The following NRXN1 variants were observed in gnomAD, a reference collection of about 807,000 sequenced individuals.
NRXN1 encodes neurexin-1.
A neutral mutation model predicts 150.9 loss-of-function variants in NRXN1; 39 were observed. The ratio of observed to expected loss-of-function variants is 0.26; its 90% confidence interval spans 0.20 to 0.34. The LOEUF (loss-of-function observed/expected upper bound fraction) is 0.34. Among genes scored for constraint, NRXN1 ranks in the 10% least tolerant of loss-of-function variants. The pLI, the probability that NRXN1 is intolerant of heterozygous loss-of-function variation, is 1.00. For synonymous variants in NRXN1, 924 were observed against 757.0 expected, an observed-to-expected ratio of 1.22 and a Z score of -3.62; for missense variants, 1,815 against 1,949.9, an observed-to-expected ratio of 0.93 and a Z score of 1.30.
chr2:50,497,897 T>A (rs2091731781), intron 13 of NRXN1, among the ~76,000 whole-genome samples, 183 bp from the exon 14 acceptor site: 1 of 152,124 alleles, frequency 6.6e-6, no homozygotes, highest in African/African-American at 2.4e-5. Context: ...AATAAAACAT[T>A]CTTAGGCCAG....
At chr2:49,941,369 C>T (rs1671943480) in intron 22 of NRXN1, among the ~76,000 whole-genome samples, 1 of 150,974 alleles carries the variant, frequency 6.6e-6, no homozygotes, top group African/African-American at 2.4e-5. Flanking sequence ...GTTACCCCAT[C>T]CGCCTTTTCT....
intron 21 of NRXN1, among the ~76,000 whole-genome samples, chr2:49,957,799 C>G (rs1675240213): frequency 6.6e-6 from 1 of 152,104 alleles, no homozygotes. Flanking sequence ...AATTACTGCA[C>G]TGCACTGTTC....
chr2:50,425,240 A>G (rs144012437), intron 17 of NRXN1, among the ~76,000 whole-genome samples: 1 of 152,366 alleles, frequency 6.6e-6, no homozygotes, highest in East Asian at 1.9e-4. Context: ...CATAACAACT[A>G]GGAAACTAAG....
At chr2:50,297,123 T>C (rs1352420079) in intron 17 of NRXN1, among the ~76,000 whole-genome samples, 1 of 152,022 alleles carries the variant, frequency 6.6e-6, no homozygotes, top group Admixed American at 6.6e-5. Flanking sequence ...ACTCCCGACC[T>C]TGTGATGCAC....
Position 50,756,738 on chromosome 2 carries a change from G to T in NRXN1, c.833-133123C>A, listed in dbSNP as rs1701194545. Among the ~76,000 whole-genome samples, 3 of 151,724 alleles carry T rather than the reference G, an allele frequency of 2.0e-5. No homozygotes were observed. The South Asian group carries it at 6.2e-4, about 31-fold the overall frequency. On this transcript the variant is annotated intron_variant, in intron 5 of 22. Coordinates refer to ENST00000401669, the MANE Select transcript of NRXN1 (RefSeq NM_001330078.2). ...GAATAGAAAAAATTTCTCATGTTAA[G>T]ATCCACATCAAAATTTTTTTTGTTT... is the stretch of plus-strand genomic sequence containing the variant.
intron 17 of NRXN1, chr2:50,464,359 T>G (rs756921860): frequency 9.2e-5 from 14 of 151,882 alleles, no homozygotes; most frequent in Non-Finnish European, 1.0e-4. Context: ...AAAGGAAACC[T>G]AAAGACAGCA....
At chr2:50,244,841 T>C (rs753228796) in intron 17 of NRXN1, among the ~76,000 whole-genome samples, 3 of 151,928 alleles carry the variant, frequency 2.0e-5, no homozygotes, top group Non-Finnish European at 2.9e-5. Flanking sequence ...AACCATGTTA[T>C]CATCTATTTT....
chr2:50,199,464 A>G (rs1574456543), intron 18 of NRXN1, among the ~76,000 whole-genome samples: 1 of 152,116 alleles, frequency 6.6e-6, no homozygotes, highest in African/African-American at 2.4e-5. Context: ...ACAAGAAACT[A>G]AAACAAATAT....
At chr2:50,496,229 G>A in intron 14 of NRXN1, 134 bp from the exon 15 acceptor site, 4 of 597,728 alleles carry the variant, frequency 6.7e-6, no homozygotes, top group East Asian at 2.9e-5. Context: ...AAGTTACATA[G>A]AAACTCAGCT....
intron 18 of NRXN1, among the ~76,000 whole-genome samples, chr2:50,178,277 T>C (rs2060473750): frequency 2.0e-5 from 3 of 152,024 alleles, no homozygotes; most frequent in Admixed American, 6.6e-5. Context: ...CACAAGAGAA[T>C]CTTTTTAACA....
chr2:50,782,318 A>C (rs945278362), intron 5 of NRXN1, among the ~76,000 whole-genome samples: 1 of 152,040 alleles, frequency 6.6e-6, no homozygotes, highest in Non-Finnish European at 1.5e-5. Flanking sequence ...AAAATACAAA[A>C]AATTAGCCAG....
intron 5 of NRXN1, among the ~76,000 whole-genome samples, chr2:50,683,991 C>T (rs1160973654): frequency 2.0e-5 from 3 of 151,908 alleles, no homozygotes; most frequent in African/African-American, 7.3e-5. Context: ...AGTTAGTATA[C>T]ATACCCATCC....
At chr2:50,803,411 T>G (rs1160540198) in intron 5 of NRXN1, among the ~76,000 whole-genome samples, 2 of 152,192 alleles carry the variant, frequency 1.3e-5, no homozygotes, top group Non-Finnish European at 2.9e-5. Context: ...TTCCCCAGTG[T>G]AGGTGAGAGT....
At chr2:50,452,738 G>T (rs1282154055) in intron 17 of NRXN1, among the ~76,000 whole-genome samples, 1 of 152,122 alleles carries the variant, frequency 6.6e-6, no homozygotes, top group Non-Finnish European at 1.5e-5. Context: ...TTTTGACAGT[G>T]GTTCTGTTGA....
At chr2:50,541,413 G>T (rs1424314677) in intron 9 of NRXN1, among the ~76,000 whole-genome samples, 1 of 152,050 alleles carries the variant, frequency 6.6e-6, no homozygotes, top group African/African-American at 2.4e-5. Context: ...TCACTCTAAG[G>T]GGCAAAACGG....
intron 5 of NRXN1, among the ~76,000 whole-genome samples, chr2:50,838,558 G>C (rs1234840683): frequency 6.6e-6 from 1 of 152,026 alleles, no homozygotes; most frequent in Non-Finnish European, 1.5e-5. Context: ...GTTAAAATGA[G>C]GTCATTTGTG....
chr2:50,434,451 A>G (rs2085259945), intron 17 of NRXN1, among the ~76,000 whole-genome samples: 1 of 152,124 alleles, frequency 6.6e-6, no homozygotes, highest in South Asian at 2.1e-4. Flanking sequence ...ACAAATGAAT[A>G]AACTACCACT....
chr2:50,306,588 T>C (rs1010849606), intron 17 of NRXN1, among the ~76,000 whole-genome samples: 2 of 152,340 alleles, frequency 1.3e-5, no homozygotes. Context: ...TCAATGCAGA[T>C]TTCTCAGTAA....
intron 18 of NRXN1, among the ~76,000 whole-genome samples, chr2:50,211,222 A>G (rs1370467299): frequency 6.6e-6 from 1 of 151,742 alleles, no homozygotes; most frequent in Non-Finnish European, 1.5e-5. Context: ...GAACTGCTGA[A>G]AAACCTCCCC....
Sources: allele counts gnomAD v4.1 joint callset (sites outside exome capture counted in the v4.1 genomes callset), GRCh38; gene constraint gnomAD v4.1.1; transcripts MANE v1.5; gene names NCBI Gene and HGNC (gene_info 2026-07-23, HGNC 2026-07-21).